DNTTIP2: variants seen among roughly 807,000 people sequenced by gnomAD.
DNTTIP2 encodes deoxynucleotidyltransferase terminal-interacting protein 2.
In DNTTIP2, 47 loss-of-function variants were observed where a neutral mutation model predicts 62.4. The observed-to-expected ratio is 0.75, with a 90% confidence interval of 0.60 to 0.96. DNTTIP2 has a LOEUF of 0.96. Among genes scored for constraint, DNTTIP2 ranks in the 40% least tolerant of loss-of-function variants. The probability of loss-of-function intolerance (pLI) is 0.00; values close to 1 mark genes in which losing one functional copy is unlikely to be tolerated. For synonymous variants in DNTTIP2, 322 were observed against 300.9 expected, an observed-to-expected ratio of 1.07 and a Z score of -0.73; for missense variants, 870 against 849.1, an observed-to-expected ratio of 1.02 and a Z score of -0.31.
In DNTTIP2 at chr1:93,879,204, T is replaced by A; in HGVS notation, c.-56A>T. 6.3e-7 allele frequency: 1 copy of A among 1,598,850 alleles called. No individual in the cohort carries two copies. On this transcript the variant is annotated 5_prime_UTR_variant, in exon 1 of 7. Transcript: ENST00000436063. The stretch of plus-strand genomic sequence containing the variant: ...TCCCTCTTCCCTGGCGCTCCGGAAA[T>A]GCGTCAGAGAACTGCCTCGAGCGCG...
intron 4 of DNTTIP2, 144 bp from the exon 5 acceptor site, chr1:93,872,380 T>G (rs573276418): frequency 1.3e-6 from 1 of 784,698 alleles, no homozygotes; most frequent in South Asian, 2.0e-5. Flanking sequence ...TCCAGAATCA[T>G]AGAGATAAAA....
At chr1:93,876,168 G>A (rs1655997236) in intron 2 of DNTTIP2, 100 bp downstream of exon 2, 1 of 1,130,596 alleles carries the variant, frequency 8.8e-7, no homozygotes, top group Non-Finnish European at 1.2e-6. Flanking sequence ...CCAAGGCAGT[G>A]ATTTTCTCAT....
At chr1:93,870,908 T>C (rs993980736) in intron 5 of DNTTIP2, 116 bp from the exon 6 acceptor site, 5 of 466,308 alleles carry the variant, frequency 1.1e-5, no homozygotes, top group Admixed American at 4.0e-5. Flanking sequence ...TACATTACAC[T>C]AATAGTAATG....
Position 93,869,168 on chromosome 1 carries a change from A to C in DNTTIP2, c.*683T>G, listed in dbSNP as rs6664719. 44,612 of 151,446 alleles carry C rather than the reference A, an allele frequency of 0.29. 7,505 individuals carry two copies. Among genetic ancestry groups the C allele is most frequent in the East Asian group, 0.56 (2,915 of 5,160 alleles). 9.4% of individuals were successfully genotyped at this position (151,446 alleles called of 1,614,324 possible). A position where few individuals can be genotyped will look rare whatever the true frequency, so the allele number is the denominator to read the frequency against. On this transcript the variant is annotated 3_prime_UTR_variant, in exon 7 of 7. Transcript: ENST00000436063. ...CAGGGTGCATACTGTACCACTGGAG[A>C]AGAGGTAAGCTGGGTTAACTTCGAA... is the stretch of plus-strand genomic sequence containing the variant.
rs1456924503 is a variant in DNTTIP2 at position 93,870,729 on chromosome 1, TC to T, written c.2130del (p.Arg712GlufsTer93). On this transcript the variant is annotated frameshift_variant, in exon 6 of 7. Coordinates refer to ENST00000436063, the MANE Select transcript of DNTTIP2 (RefSeq NM_014597.5). LOFTEE classifies it high-confidence loss of function. The stretch of plus-strand genomic sequence containing the variant: ...AGCAGTTCTTCCACAATAGTTCTTT[TC>T]CTTTGCTTCTTGGGAATTCGTGAAT... ...FYHSRIPKKQ[R>X]KRTIVEELLA... The T allele has an allele frequency of 1.3e-6, 2 of 1,575,690 alleles. No homozygotes were observed. The highest frequency in any genetic ancestry group is 2.7e-5 in the African/African-American group (2 of 74,452).
chr1:93,876,530 T>C lies in DNTTIP2; in HGVS notation c.1405A>G (p.Ser469Gly). 1 of 1,614,020 alleles carries C rather than the reference T, an allele frequency of 6.2e-7. No individual in the cohort carries two copies. Among genetic ancestry groups the C allele is most frequent in the Non-Finnish European group, 8.5e-7 (1 of 1,179,882 alleles). The change falls in exon 2 of 7, where the codon AGT becomes GGT. Residue 469 changes from serine (S) to glycine (G), a missense_variant. Transcript: ENST00000436063. Reference protein sequence around the residue: ...EEDTLCFVENSGQRESLSGDT... With the variant: ...EEDTLCFVENGGQRESLSGDT... ...CCACTTAATGACTCCCTTTGGCCACTATTTTCAACAAAACATAAAGTATCC... is the reference window on the plus strand; with the variant it reads ...CCACTTAATGACTCCCTTTGGCCACCATTTTCAACAAAACATAAAGTATCC...
At position 93,866,759 on chromosome 1, in the gene DNTTIP2, A is replaced by C. The variant is rs1655732413; in HGVS notation, c.*3092T>G. The C allele has an allele frequency of 6.6e-6, 1 of 152,192 alleles. No individual in the cohort carries two copies. Among genetic ancestry groups the C allele is most frequent in the Non-Finnish European group, 1.5e-5 (1 of 68,054 alleles). The allele number at this position is 152,192 out of a possible 1,614,324, so 9.4% of individuals were successfully genotyped here. ...CAGTTGGTTTATCATACAGCAGAACACTGAACACAGAACTGATTGTGTTGG... is the reference window on the plus strand; with the variant it reads ...CAGTTGGTTTATCATACAGCAGAACCCTGAACACAGAACTGATTGTGTTGG... On this transcript the variant is annotated 3_prime_UTR_variant, in exon 7 of 7. Transcript: ENST00000436063.
intron 2 of DNTTIP2, among the ~76,000 whole-genome samples, chr1:93,876,037 C>G (rs1362927101): frequency 3.1e-5 from 1 of 32,252 alleles, no homozygotes; most frequent in Non-Finnish European, 6.2e-5. Context: ...CCACTGCAGC[C>G]TTGAACTCTT....
intron 5 of DNTTIP2, 180 bp from the exon 6 acceptor site, chr1:93,870,972 TTA>T (rs71588507): frequency 0.017 from 6,805 of 393,138 alleles, 83 homozygotes; most frequent in Non-Finnish European, 0.024. Context: ...AGTGGTGCTA[TTA>T]TGTTTCTTCA....
chr1:93,878,089 G>C (rs925928428), intron 1 of DNTTIP2, among the ~76,000 whole-genome samples: 1 of 152,060 alleles, frequency 6.6e-6, no homozygotes, highest in Non-Finnish European at 1.5e-5. Flanking sequence ...GGTGGATCAC[G>C]AGGTCAGGAG....
intron 3 of DNTTIP2, among the ~76,000 whole-genome samples, chr1:93,873,634 GA>G (rs908851572): frequency 2.2e-5 from 3 of 135,554 alleles, no homozygotes; most frequent in Non-Finnish European, 4.8e-5. Flanking sequence ...AAAAAAAAAA[GA>G]AAAAAGAAAA....
chr1:93,873,329 A>C, intron 3 of DNTTIP2, 115 bp from the exon 4 acceptor site: 1 of 742,280 alleles, frequency 1.3e-6, no homozygotes, highest in Non-Finnish European at 2.2e-6. Context: ...AGTGGCTCAC[A>C]CCTATAATCC....
Position 93,877,002 on chromosome 1 carries a change from T to C in DNTTIP2, c.933A>G (p.Lys311=). ...GCTGAGAACTTTTCTCATTAATTTC[T>C]TTCCCCTCATCTGTTATTCCATTGG... is the stretch of plus-strand genomic sequence containing the variant. ...EDANGITDEG[K]EINEKSSQLK... The change falls in exon 2 of 7, where the codon AAA becomes AAG. Residue 311 remains lysine, a synonymous_variant. Coordinates refer to ENST00000436063, the MANE Select transcript of DNTTIP2 (RefSeq NM_014597.5). The C allele has an allele frequency of 6.2e-7, 1 of 1,612,926 alleles. No individual in the cohort carries two copies. The highest frequency in any genetic ancestry group is 1.1e-5 in the South Asian group (1 of 91,046).
chr1:93,875,962 C>G (rs543335593), intron 2 of DNTTIP2, among the ~76,000 whole-genome samples, 179 bp from the exon 3 acceptor site: 1 of 150,674 alleles, frequency 6.6e-6, no homozygotes, highest in African/African-American at 2.4e-5. Flanking sequence ...ATATATTTTT[C>G]ATCATTTTAT....
Position 93,869,843 on chromosome 1 carries a change from G to A in DNTTIP2, c.*8C>T, listed in dbSNP as rs1339603754. 1.3e-6 allele frequency: 1 copy of A among 779,442 alleles called. No individual in the cohort carries two copies. Among genetic ancestry groups the A allele is most frequent in the Non-Finnish European group, 2.4e-6 (1 of 417,356 alleles). The allele number at this position is 779,442 out of a possible 1,614,324, so 48.3% of individuals were successfully genotyped here. A position where few individuals can be genotyped will look rare whatever the true frequency, so the allele number is the denominator to read the frequency against. On this transcript the variant is annotated 3_prime_UTR_variant, in exon 7 of 7. Coordinates refer to ENST00000436063, the MANE Select transcript of DNTTIP2 (RefSeq NM_014597.5). ...CAATGTAAAATGTTGCAGTTTGCTT[G>A]GTAAATCTTAATTGCGAAATTTCTT...
At position 93,877,796 on chromosome 1, in the gene DNTTIP2, C is replaced by A. The variant is rs748604564; in HGVS notation, c.139G>T (p.Ala47Ser). ...SSTGSDARTT[A>S]ESQTTGKQSL... ...TGCTTCCCAGTGGTCTGTGATTCAG[C>A]AGTAGTTCGGGCATCAGATCCAGTA... The change falls in exon 2 of 7, where the codon GCT becomes TCT. Residue 47 changes from alanine (A) to serine (S), a missense_variant. Transcript: ENST00000436063. 1 of 1,609,074 alleles carries A rather than the reference C, an allele frequency of 6.2e-7. No individual in the cohort carries two copies. The highest frequency in any genetic ancestry group is 8.5e-7 in the Non-Finnish European group (1 of 1,179,870).
In DNTTIP2 at chr1:93,876,734, C is replaced by G; in HGVS notation, c.1201G>C (p.Glu401Gln). The part of the protein sequence containing the change: ...FGDCGGSDDE[E>Q]ESTVISVSED... ...CTGACACTTATAACTGTGGACTCTT[C>G]TTCATCATCACTACCACCACAATCA... Residue 401 changes from glutamate to glutamine, a missense_variant, in exon 2 of 7, where the codon GAA becomes CAA. Glu to Gln is a conservative substitution (Grantham distance 29). Coordinates refer to ENST00000436063, the MANE Select transcript of DNTTIP2 (RefSeq NM_014597.5). 1 of 1,614,008 alleles carries G rather than the reference C, an allele frequency of 6.2e-7. No homozygotes were observed. The highest frequency in any genetic ancestry group is 1.6e-4 in the Middle Eastern group (1 of 6,062).
intron 5 of DNTTIP2, 117 bp from the exon 6 acceptor site, chr1:93,870,909 A>G (rs554733993): frequency 2.1e-6 from 1 of 473,394 alleles, no homozygotes; most frequent in East Asian, 3.4e-5. Context: ...ACATTACACT[A>G]ATAGTAATGT....
At position 93,876,820 on chromosome 1, in the gene DNTTIP2, A is replaced by G. The variant is rs774069074; in HGVS notation, c.1115T>C (p.Val372Ala). ...CTTTTTGTTGTTATTCCATCTGCCT[A>G]CTTCCACAGTTGCAAATGTTTGAGT... The part of the protein sequence containing the change: ...SLTQTFATVE[V>A]GRWNNNKKSP... Residue 372 changes from valine (V) to alanine (A), a missense_variant, in exon 2 of 7, where the codon GTA (valine) becomes GCA (alanine). By Grantham distance (64) the Val-to-Ala change is moderately conservative (BLOSUM62 0). Coordinates refer to ENST00000436063, the MANE Select transcript of DNTTIP2 (RefSeq NM_014597.5). The G allele has an allele frequency of 1.9e-6, 3 of 1,613,906 alleles. No homozygotes were observed. The highest frequency in any genetic ancestry group is 3.3e-5 in the Admixed American group (2 of 59,994).
Sources: gnomAD v4.1 joint callset for allele counts (sites outside exome capture counted in the v4.1 genomes callset) on GRCh38, gnomAD v4.1.1 for gene constraint, MANE v1.5 for transcripts, NCBI Gene and HGNC (gene_info 2026-07-23, HGNC 2026-07-21) for gene names.